BTBD10: variants seen among roughly 807,000 people sequenced by gnomAD.
BTBD10 encodes BTB/POZ domain-containing protein 10.
A neutral mutation model predicts 53.2 loss-of-function variants in BTBD10; 21 were observed. The observed-to-expected ratio is 0.39, with a 90% confidence interval of 0.28 to 0.57. The LOEUF is 0.57. BTBD10 is among the 20% of genes least tolerant of loss of function. The probability of loss-of-function intolerance (pLI) is 0.53; values close to 1 mark genes in which losing one functional copy is unlikely to be tolerated. For missense variants in BTBD10, 360 were observed against 594.7 expected, an observed-to-expected ratio of 0.61 and a Z score of 4.10; for synonymous variants, 149 against 192.7, an observed-to-expected ratio of 0.77 and a Z score of 1.88.
chr11:13,401,408 T>C (rs1293174332), intron 8 of BTBD10, among the ~76,000 whole-genome samples: 1 of 152,124 alleles, frequency 6.6e-6, no homozygotes, highest in South Asian at 2.1e-4. Flanking sequence ...GACCACATGT[T>C]AGGTATGCAA....
chr11:13,403,104 C>G, intron 8 of BTBD10, 64 bp downstream of exon 8: 1 of 984,502 alleles, frequency 1.0e-6, no homozygotes, highest in Non-Finnish European at 1.5e-6. Context: ...TAAATAAGAT[C>G]CAATTGTTTT....
intron 1 of BTBD10, 82 bp from the exon 2 acceptor site, chr11:13,445,263 T>C (rs1950732158): frequency 6.1e-6 from 3 of 490,660 alleles, no homozygotes; most frequent in Admixed American, 3.7e-5. Flanking sequence ...CTTGATATTA[T>C]TGTGACATAT....
Position 13,399,984 on chromosome 11 carries a change from C to G in BTBD10, c.1117+3184G>C, listed in dbSNP as rs992766955. Reference sequence around the variant, plus strand: ...TGGGGGGTGCCTCCCAGTTAGGCTACTCGGGGCTCAGGGACCCACTTCAGG... The same window carrying G: ...TGGGGGGTGCCTCCCAGTTAGGCTAGTCGGGGCTCAGGGACCCACTTCAGG... On this transcript the variant is annotated intron_variant, in intron 8 of 8. Transcript: ENST00000278174. 3.9e-5 allele frequency among the ~76,000 whole-genome samples: 6 copies of G among 152,222 alleles called. 1 individual carries two copies. The highest frequency in any genetic ancestry group is 4.1e-4 in the South Asian group (2 of 4,836).
At chr11:13,444,920 GC>G in intron 2 of BTBD10, 103 bp downstream of exon 2, 1 of 704,300 alleles carries the variant, frequency 1.4e-6, no homozygotes, top group Non-Finnish European at 2.3e-6. Flanking sequence ...TTGTAAAACA[GC>G]CCCCATTCTC....
chr11:13,461,079 T>G (rs1296354709), intron 1 of BTBD10, among the ~76,000 whole-genome samples: 1 of 152,170 alleles, frequency 6.6e-6, no homozygotes, highest in Non-Finnish European at 1.5e-5. Flanking sequence ...AACTACTGTT[T>G]TCAATTAGAT....
chr11:13,412,455 A>AAACAAC (rs199920209), intron 6 of BTBD10, among the ~76,000 whole-genome samples: 14 of 151,928 alleles, frequency 9.2e-5, no homozygotes, highest in Non-Finnish European at 1.6e-4. Context: ...TCCATCTCAA[A>AAACAAC]AACAACAACA....
At chr11:13,462,317 G>A (rs148931241) in intron 1 of BTBD10, among the ~76,000 whole-genome samples, 1 of 152,164 alleles carries the variant, frequency 6.6e-6, no homozygotes, top group Non-Finnish European at 1.5e-5. Flanking sequence ...AACTCTGCAA[G>A]ATAATAAATC....
At chr11:13,424,633 C>T (rs1950302543) in intron 2 of BTBD10, among the ~76,000 whole-genome samples, 1 of 152,106 alleles carries the variant, frequency 6.6e-6, no homozygotes, top group Non-Finnish European at 1.5e-5. Context: ...GTTTGAAATT[C>T]ATGAACTAAG....
In BTBD10 at chr11:13,400,539, G is replaced by A. The variant is rs180849181; in HGVS notation, c.1117+2629C>T. ...CCCTGCTTCGGCTCACGCACGGTGC[G>A]CTGCACCCACTGTCCTGCACCCACT... On this transcript the variant is annotated intron_variant, in intron 8 of 8. Transcript: ENST00000278174. Among the ~76,000 whole-genome samples the A allele has an allele frequency of 3.2e-3, 487 of 152,310 alleles. 15 individuals carry two copies. The highest frequency in any genetic ancestry group is 4.0e-4 in the Non-Finnish European group (27 of 68,028).
At chr11:13,415,757 T>C (rs1486194833) in intron 5 of BTBD10, among the ~76,000 whole-genome samples, 2 of 152,090 alleles carry the variant, frequency 1.3e-5, no homozygotes, top group Non-Finnish European at 2.9e-5. Context: ...CATTCAATCC[T>C]GTAGTAACTG....
At chr11:13,401,132 T>TAG (rs1949708597) in intron 8 of BTBD10, among the ~76,000 whole-genome samples, 1 of 149,984 alleles carries the variant, frequency 6.7e-6, no homozygotes, top group African/African-American at 2.4e-5. Flanking sequence ...CAGATATATA[T>TAG]ATATTACATT....
chr11:13,462,725 T>TG (rs1951127187), intron 1 of BTBD10: 1 of 152,360 alleles, frequency 6.6e-6, no homozygotes, highest in Non-Finnish European at 1.5e-5. Context: ...CCTATTGTGA[T>TG]GCGCCTTCCT....
chr11:13,389,502 A>G (rs1229361436), intron 8 of BTBD10, among the ~76,000 whole-genome samples: 1 of 149,940 alleles, frequency 6.7e-6, no homozygotes, highest in Non-Finnish European at 1.5e-5. Context: ...ACCTTGGTTT[A>G]CTGCAACCTC....
At chr11:13,409,940 G>A (rs1400452344) in intron 6 of BTBD10, among the ~76,000 whole-genome samples, 2 of 152,128 alleles carry the variant, frequency 1.3e-5, no homozygotes, top group Non-Finnish European at 2.9e-5. Context: ...AACTAGAAAT[G>A]AATAGTTGAT....
At chr11:13,418,023 C>A (rs1023453136) in intron 4 of BTBD10, among the ~76,000 whole-genome samples, 2 of 152,016 alleles carry the variant, frequency 1.3e-5, no homozygotes, top group Non-Finnish European at 2.9e-5. Context: ...CTAGTACTCT[C>A]CAGAAAATTT....
intron 8 of BTBD10, among the ~76,000 whole-genome samples, chr11:13,402,019 G>A (rs1949725145): frequency 6.6e-6 from 1 of 152,134 alleles, no homozygotes; most frequent in African/African-American, 2.4e-5. Context: ...CTTCTCAGGA[G>A]GCCTTCCCTG....
intron 2 of BTBD10, among the ~76,000 whole-genome samples, chr11:13,423,693 G>A (rs1339483363): frequency 6.6e-6 from 1 of 152,162 alleles, no homozygotes; most frequent in Middle Eastern, 3.4e-3. Context: ...GTGTCTCCGG[G>A]TCATCTCTTT....
intron 2 of BTBD10, among the ~76,000 whole-genome samples, chr11:13,426,746 T>A (rs1950346353): frequency 1.3e-5 from 2 of 150,332 alleles, no homozygotes; most frequent in South Asian, 2.1e-4. Context: ...AAAAAGGAGA[T>A]AAAATAAAAT....
intron 8 of BTBD10, among the ~76,000 whole-genome samples, chr11:13,392,538 T>C (rs1285408630): frequency 1.3e-5 from 2 of 152,174 alleles, no homozygotes; most frequent in African/African-American, 4.8e-5. Flanking sequence ...TAAATTATAC[T>C]CTTTATTAAA....
Sources: gnomAD v4.1 joint callset for allele counts (sites outside exome capture counted in the v4.1 genomes callset) on GRCh38, gnomAD v4.1.1 for gene constraint, MANE v1.5 for transcripts, NCBI Gene and HGNC (gene_info 2026-07-23, HGNC 2026-07-21) for gene names.